Variants in PRIM1 observed in about 807,000 individuals in gnomAD.
The protein encoded by PRIM1 is DNA primase small subunit.
PRIM1 carries 38 observed loss-of-function variants against 60.2 expected under a neutral mutation model. That is an observed-to-expected ratio of 0.63 (90% confidence interval 0.49 to 0.83). The LOEUF is 0.83. Among genes scored for constraint, PRIM1 ranks in the 40% least tolerant of loss-of-function variants. The probability of loss-of-function intolerance (pLI) is 0.00; values close to 1 mark genes in which losing one functional copy is unlikely to be tolerated. For synonymous variants in PRIM1, 158 were observed against 160.2 expected (o/e 0.99, Z 0.10); for missense variants, 388 against 506.2 (o/e 0.77, Z 2.24).
chr12:56,745,934 A>C, intron 5 of PRIM1, 111 bp downstream of exon 5: 1 of 1,081,716 alleles, frequency 9.2e-7, no homozygotes. Context: ...GTGAGAGTCC[A>C]TCTCAAAAAA....
At chr12:56,737,475 G>A (rs781194529) in intron 11 of PRIM1, among the ~76,000 whole-genome samples, 44 of 151,274 alleles carry the variant, frequency 2.9e-4, no homozygotes, top group Admixed American at 5.9e-4. Flanking sequence ...TCTGCCTTCC[G>A]AGCAGCTGGG....
intron 8 of PRIM1, 50 bp downstream of exon 8, chr12:56,741,692 TTTAA>T: frequency 6.3e-7 from 1 of 1,587,204 alleles, no homozygotes; most frequent in Non-Finnish European, 8.6e-7. Flanking sequence ...AAGCAATCAA[TTTAA>T]TTAAGAATTG....
chr12:56,752,138 C>T (rs1443230236), intron 1 of PRIM1, 58 bp downstream of exon 1: 3 of 1,279,986 alleles, frequency 2.3e-6, no homozygotes, highest in Admixed American at 2.1e-5. Flanking sequence ...ATTCTAAGGA[C>T]ACCCCGCCTC....
At chr12:56,738,402 AT>A (rs56401813) in intron 11 of PRIM1, 31 bp downstream of exon 11, 992,385 of 1,551,740 alleles carry the variant, frequency 0.64, 319,512 homozygotes, top group South Asian at 0.74. Flanking sequence ...AAAACCCTGT[AT>A]TTAAAGTGAA....
rs1197747276 is a variant in PRIM1, at chr12:56,738,493, G to A, written c.1085C>T (p.Thr362Ile). Residue 362 changes from threonine (T) to isoleucine (I), a missense_variant, in exon 11 of 13, where the codon ACT becomes ATT. Around this residue, in one of 3 missense-constraint regions of PRIM1, gnomAD observed 211 missense variants for 277.9 expected, o/e 0.76. Coordinates refer to ENST00000338193, the MANE Select transcript of PRIM1 (RefSeq NM_000946.3). Reference protein sequence around the residue: ...FICRELDAISTNEEEKEENEA... With the variant: ...FICRELDAISINEEEKEENEA... ...ATTCTCCTCTTTTTCCTCTTCATTA[G>A]TGGAAATGGCATCCAATTCACGGCA... 6.3e-7 allele frequency: 1 copy of A among 1,586,116 alleles called. No individual in the cohort carries two copies. The highest frequency in any genetic ancestry group is 8.6e-7 in the Non-Finnish European group (1 of 1,164,822).
chr12:56,741,903 T>C (rs773272281), intron 7 of PRIM1, 66 bp from the exon 8 acceptor site: 2 of 1,332,206 alleles, frequency 1.5e-6, no homozygotes, highest in Admixed American at 1.7e-5. Flanking sequence ...TTTAAGTATG[T>C]ATTACCACAA....
chr12:56,736,134 G>A (rs751665068), intron 11 of PRIM1, among the ~76,000 whole-genome samples: 5 of 150,182 alleles, frequency 3.3e-5, no homozygotes, highest in Non-Finnish European at 7.4e-5. Context: ...CCTGTCTCTA[G>A]TAAAAATACA....
intron 9 of PRIM1, 73 bp downstream of exon 9, chr12:56,741,362 C>A: frequency 7.0e-7 from 1 of 1,431,440 alleles, no homozygotes; most frequent in South Asian, 1.4e-5. Context: ...ATATTCAGAC[C>A]TAATGCCATG....
rs930484602 is a variant in PRIM1 at position 56,740,553 on chromosome 12, G to A, written c.982+882C>T. 2.6e-5 allele frequency among the ~76,000 whole-genome samples: 4 copies of A among 152,246 alleles called. No homozygotes were observed. In the South Asian group the frequency reaches 8.3e-4, roughly 32 times the overall value. On this transcript the variant is annotated intron_variant, in intron 9 of 12. Transcript: ENST00000338193. ...CCAGCACTTTGGGAGACTGGGGCAG[G>A]TGAATTGCTTGAGCTCAAGAGTTCA...
At position 56,746,084 on chromosome 12, in the gene PRIM1, T is replaced by G. The variant is rs1381818286; in HGVS notation, c.540A>C (p.Ala180=). The G allele has an allele frequency of 6.2e-7, 1 of 1,613,374 alleles. No homozygotes were observed. The highest frequency in any genetic ancestry group is 2.2e-5 in the East Asian group (1 of 44,874). The change falls in exon 5 of 13, where the codon GCA becomes GCC. Residue 180 remains alanine (A), a synonymous_variant. Transcript: ENST00000338193. ...CDESVRKLSS[A]VRSGIVEYLS... ...AATACTCAACTATCCCAGAACGTAC[T>G]GCAGAAGACAGTTTTCTAACTGATT...
intron 12 of PRIM1, among the ~76,000 whole-genome samples, chr12:56,733,037 T>C (rs1271930794): frequency 6.6e-6 from 1 of 150,538 alleles, no homozygotes; most frequent in African/African-American, 2.4e-5. Context: ...GTATTTTTAG[T>C]AGAGACGGGG....
Position 56,744,074 on chromosome 12 carries a change from G to T in PRIM1, c.629C>A (p.Pro210His). 1 of 1,572,558 alleles carries T rather than the reference G, an allele frequency of 6.4e-7. No individual in the cohort carries two copies. The highest frequency in any genetic ancestry group is 8.6e-7 in the Non-Finnish European group (1 of 1,156,684). Residue 210 changes from proline to histidine, a missense_variant, in exon 6 of 13, where the codon CCT becomes CAT. Transcript: ENST00000338193. ...GACTTTTCCAACAGACCTGATAAAA[G>T]GGTGAATTTTTTCACTTAGGTGAAC... The part of the protein sequence containing the change: ...KKVHLSEKIH[P>H]FIRKSINIIK...
Position 56,746,267 on chromosome 12 carries a change from C to T in PRIM1, c.443-86G>A. The T allele has an allele frequency of 2.1e-6, 3 of 1,424,476 alleles. No individual in the cohort carries two copies. In the South Asian group the frequency reaches 3.6e-5, roughly 17 times the overall value. The allele number at this position is 1,424,476 out of a possible 1,614,324, so 88.2% of individuals were successfully genotyped here. A position where few individuals can be genotyped will look rare whatever the true frequency, so the allele number is the denominator to read the frequency against. On this transcript the variant is annotated intron_variant, in intron 4 of 12. Transcript: ENST00000338193. ...ATTAAATTACTTGTTGTTTCCTGTGCTCCCCATGTTCTTGCTTCATCTCTT... is the reference window on the plus strand; with the variant it reads ...ATTAAATTACTTGTTGTTTCCTGTGTTCCCCATGTTCTTGCTTCATCTCTT...
chr12:56,731,580 T>C lies in PRIM1; in HGVS notation c.*135A>G, dbSNP rs182338717. On this transcript the variant is annotated 3_prime_UTR_variant, in exon 13 of 13. Coordinates refer to ENST00000338193, the MANE Select transcript of PRIM1 (RefSeq NM_000946.3). Reference sequence around the variant, plus strand: ...GGCCAGGAAATCTTTTCAACATAAATTATTTCTCAAGGAAAATTTACTTTG... The same window carrying C: ...GGCCAGGAAATCTTTTCAACATAAACTATTTCTCAAGGAAAATTTACTTTG... 7.3e-5 allele frequency: 68 copies of C among 926,264 alleles called. No individual in the cohort carries two copies. The African/African-American group carries it at 1.0e-3, about 14-fold the overall frequency. The allele number at this position is 926,264 out of a possible 1,614,324, so 57.4% of individuals were successfully genotyped here.
intron 10 of PRIM1, 46 bp from the exon 11 acceptor site, chr12:56,738,571 G>A (rs1953850629): frequency 6.5e-7 from 1 of 1,538,902 alleles, no homozygotes; most frequent in South Asian, 1.2e-5. Flanking sequence ...TTTTGTTTTT[G>A]AGACGGAGTC....
intron 1 of PRIM1, chr12:56,751,957 G>A: frequency 4.1e-6 from 1 of 242,726 alleles, no homozygotes; most frequent in African/African-American, 2.3e-5. Context: ...AGGTAGGAGC[G>A]GCGGCTCTGT....
intron 12 of PRIM1, among the ~76,000 whole-genome samples, chr12:56,732,850 G>A (rs909102113): frequency 6.6e-6 from 1 of 151,690 alleles, no homozygotes; most frequent in African/African-American, 2.4e-5. Context: ...TGGCATTAGG[G>A]ATTAGAAATT....
At chr12:56,751,273 A>T in intron 1 of PRIM1, 78 bp from the exon 2 acceptor site, 1 of 1,121,704 alleles carries the variant, frequency 8.9e-7, no homozygotes, top group South Asian at 2.1e-5. Context: ...GCCAATGAGA[A>T]GTTTTTTTTT....
In PRIM1 at chr12:56,752,318, G is replaced by C. The variant is rs1213505602; in HGVS notation, c.-20C>G. Reference sequence around the variant, plus strand: ...CTCCATTGAGCGCGGAACTCGCCACGGTAAGGATTACCACAGGAATTGGCG... The same window carrying C: ...CTCCATTGAGCGCGGAACTCGCCACCGTAAGGATTACCACAGGAATTGGCG... On this transcript the variant is annotated 5_prime_UTR_variant, in exon 1 of 13. Coordinates refer to ENST00000338193, the MANE Select transcript of PRIM1 (RefSeq NM_000946.3). The C allele has an allele frequency of 1.3e-6, 2 of 1,529,316 alleles. No homozygotes were observed. Among genetic ancestry groups the C allele is most frequent in the Non-Finnish European group, 1.8e-6 (2 of 1,125,502 alleles). 94.7% of individuals were successfully genotyped at this position (1,529,316 alleles called of 1,614,324 possible).
Sources: allele counts gnomAD v4.1 joint callset (sites outside exome capture counted in the v4.1 genomes callset), GRCh38; gene constraint gnomAD v4.1.1; regional missense constraint gnomAD v4.1.1; transcripts MANE v1.5; gene names NCBI Gene and HGNC (gene_info 2026-07-23, HGNC 2026-07-21).